Variants in NAV2 observed in about 807,000 individuals in gnomAD.
NAV2 encodes neuron navigator 2.
In NAV2, 54 loss-of-function variants were observed where a neutral mutation model predicts 223.2. That is an observed-to-expected ratio of 0.24 (90% CI 0.19 to 0.30). The LOEUF is 0.30. NAV2 is among the 10% of genes least tolerant of loss of function. The pLI is 1.00. For synonymous variants in NAV2, 1,279 were observed against 1,239.3 expected (o/e 1.03, Z -0.67); for missense variants, 2,806 against 3,147.5 (o/e 0.89, Z 2.60).
chr11:19,968,797 A>G (rs574297060), intron 10 of NAV2, among the ~76,000 whole-genome samples: 13 of 152,180 alleles, frequency 8.5e-5, no homozygotes, highest in Non-Finnish European at 1.9e-4. Flanking sequence ...GCAACTGACC[A>G]TAGCTTGGCT....
chr11:19,710,211 G>T (rs1006607405), upstream of NAV2, among the ~76,000 whole-genome samples: 5 of 152,092 alleles, frequency 3.3e-5, no homozygotes, highest in African/African-American at 1.2e-4. Flanking sequence ...CAACTAGATG[G>T]ATGCACTCTG....
chr11:19,768,806 C>A (rs2152569181), intron 1 of NAV2, among the ~76,000 whole-genome samples: 1 of 152,248 alleles, frequency 6.6e-6, no homozygotes, highest in East Asian at 1.9e-4. Context: ...CTGTAAAATG[C>A]CAGTGGTACC....
intron 1 of NAV2, among the ~76,000 whole-genome samples, chr11:19,798,097 C>T (rs2058035951): frequency 6.6e-6 from 1 of 152,162 alleles, no homozygotes; most frequent in South Asian, 2.1e-4. Flanking sequence ...TCCAGACCCA[C>T]CCAGGAGAAG....
At chr11:19,541,406 C>T (rs891066226) in intron 1 of NAV2, among the ~76,000 whole-genome samples, 3 of 152,168 alleles carry the variant, frequency 2.0e-5, no homozygotes, top group Non-Finnish European at 4.4e-5. Flanking sequence ...TGGGATGGAG[C>T]GAAATTTAGG....
In NAV2 at chr11:19,661,275, AT is replaced by A. The variant is rs539848518; in HGVS notation, c.76-171201del. On this transcript the variant is annotated intron_variant, in intron 1 of 37. Coordinates refer to the NAV2 transcript ENST00000360655. ...CATCTATGTTGTAGCACGTGTCCGA[AT>A]TTTTTTTCCTTCTTAAGGCTGAAAA... is the stretch of plus-strand genomic sequence containing the variant. 4.3e-3 allele frequency among the ~76,000 whole-genome samples: 655 copies of A among 152,060 alleles called. 4 individuals are homozygous for A. Among genetic ancestry groups the A allele is most frequent in the Non-Finnish European group, 7.3e-3 (496 of 67,976 alleles).
intron 1 of NAV2, among the ~76,000 whole-genome samples, chr11:19,697,690 C>T (rs2049388964): frequency 6.6e-6 from 1 of 152,102 alleles, no homozygotes; most frequent in Non-Finnish European, 1.5e-5. Context: ...TAGTTACCAC[C>T]TGTAACAACT....
chr11:19,823,102 A>G (rs781209048), intron 1 of NAV2, among the ~76,000 whole-genome samples: 5 of 152,210 alleles, frequency 3.3e-5, no homozygotes, highest in Non-Finnish European at 7.3e-5. Context: ...AGCTGAGTGC[A>G]GTGGTGATCA....
intron 36 of NAV2, among the ~76,000 whole-genome samples, chr11:20,110,562 C>T (rs1359900990): frequency 2.6e-5 from 4 of 152,098 alleles, no homozygotes; most frequent in South Asian, 2.1e-4. Flanking sequence ...TGGTGGAGTG[C>T]GTGTTGGTGC....
intron 3 of NAV2, among the ~76,000 whole-genome samples, chr11:19,852,460 C>T (rs1473812446): frequency 6.6e-5 from 10 of 152,172 alleles, no homozygotes. Context: ...ATTTCTAGTA[C>T]TGTGTCCACA....
intron 25 of NAV2, among the ~76,000 whole-genome samples, chr11:20,081,539 C>T (rs1271902122): frequency 1.3e-5 from 2 of 152,194 alleles, no homozygotes; most frequent in East Asian, 3.9e-4. Context: ...TCCTCTTCCA[C>T]CTGGCTTTTC....
At chr11:19,407,009 A>C (rs1849925500) in intron 1 of NAV2, among the ~76,000 whole-genome samples, 1 of 152,122 alleles carries the variant, frequency 6.6e-6, no homozygotes. Flanking sequence ...TAACTCATTT[A>C]ATCTCTCCTT....
intron 6 of NAV2, among the ~76,000 whole-genome samples, chr11:19,911,274 T>C (rs1817767187): frequency 6.6e-6 from 1 of 152,132 alleles, no homozygotes; most frequent in Non-Finnish European, 1.5e-5. Flanking sequence ...TCCAATCCAA[T>C]CTTGGAGGAG....
intron 1 of NAV2, among the ~76,000 whole-genome samples, chr11:19,487,972 G>C (rs1381262469): frequency 6.6e-6 from 1 of 152,208 alleles, no homozygotes; most frequent in South Asian, 2.1e-4. Flanking sequence ...TCAAGAGATA[G>C]CTAATGCATG....
intron 1 of NAV2, among the ~76,000 whole-genome samples, chr11:19,611,386 C>T (rs2046639417): frequency 6.6e-6 from 1 of 152,138 alleles, no homozygotes; most frequent in South Asian, 2.1e-4. Flanking sequence ...TCCCGACAGT[C>T]CCCCAAAGTC....
chr11:19,401,299 A>G (rs1446336661), intron 1 of NAV2, among the ~76,000 whole-genome samples: 1 of 152,250 alleles, frequency 6.6e-6, no homozygotes, highest in East Asian at 1.9e-4. Flanking sequence ...AAATATAAAG[A>G]CAAAACCAAA....
intron 1 of NAV2, among the ~76,000 whole-genome samples, chr11:19,668,598 G>A (rs528750050): frequency 2.6e-4 from 38 of 146,360 alleles, no homozygotes; most frequent in Non-Finnish European, 4.7e-4. Context: ...AAGTGTGTTT[G>A]TAGCTCAGTG....
At position 19,650,710 on chromosome 11, in the gene NAV2, G is replaced by T. The variant is rs987071590; in HGVS notation, c.76-181774G>T. Among the ~76,000 whole-genome samples, 5 of 152,278 alleles carry T rather than the reference G, an allele frequency of 3.3e-5. No individual in the cohort carries two copies. In the South Asian group the frequency reaches 1.0e-3, roughly 32 times the overall value. On this transcript the variant is annotated intron_variant, in intron 1 of 37. Transcript: ENST00000360655. ...CAAGTAAATGGATATGCAAATTGTG[G>T]TGTATTCACACAGTGGAATACTACC...
At chr11:19,417,758 A>G (rs149886369) in intron 1 of NAV2, among the ~76,000 whole-genome samples, 2 of 152,350 alleles carry the variant, frequency 1.3e-5, no homozygotes, top group African/African-American at 4.8e-5. Flanking sequence ...ACACCATGGA[A>G]TACTGGGTAA....
Position 19,874,353 on chromosome 11 carries a change from A to C in NAV2, c.511+5356A>C, listed in dbSNP as rs554325855. 7.2e-4 allele frequency among the ~76,000 whole-genome samples: 110 copies of C among 152,344 alleles called. 1 individual carries two copies. In the South Asian group the frequency reaches 0.012, roughly 17 times the overall value. The stretch of plus-strand genomic sequence containing the variant: ...CACAAGAGTGGCCACAGGAAGAGAA[A>C]GAACAGGGCTCCAGGTTGGGTTTAG... On this transcript the variant is annotated intron_variant, in intron 4 of 37. Transcript: ENST00000349880.
Sources: allele counts gnomAD v4.1 joint callset (sites outside exome capture counted in the v4.1 genomes callset), GRCh38; gene constraint gnomAD v4.1.1; transcripts MANE v1.5; gene names NCBI Gene and HGNC (gene_info 2026-07-23, HGNC 2026-07-21).